Variants in OXR1 observed in about 807,000 individuals in gnomAD.
OXR1 encodes the protein oxidation resistance protein 1.
In OXR1, 41 loss-of-function variants were observed where a neutral mutation model predicts 104.6. The observed-to-expected ratio is 0.39, with a 90% confidence interval of 0.31 to 0.51. The LOEUF (loss-of-function observed/expected upper bound fraction) is 0.51, where lower values mean the gene tolerates loss of function less well. Among genes scored for constraint, OXR1 ranks in the 20% least tolerant of loss-of-function variants. The probability of loss-of-function intolerance (pLI) is 0.77; values close to 1 mark genes in which losing one functional copy is unlikely to be tolerated. For missense variants in OXR1, 955 were observed against 1,031.9 expected (o/e 0.93, Z 1.02); for synonymous variants, 348 against 348.4 (o/e 1.00, Z 0.01).
chr8:106,692,652 T>C, intron 6 of OXR1, 76 bp from the exon 7 acceptor site: 1 of 840,000 alleles, frequency 1.2e-6, no homozygotes, highest in Admixed American at 3.2e-5. Flanking sequence ...AGCTATTCAT[T>C]TGACTTTTTA....
chr8:106,654,886 TG>T (rs1185516985), intron 3 of OXR1, among the ~76,000 whole-genome samples: 2 of 152,176 alleles, frequency 1.3e-5, no homozygotes, highest in Non-Finnish European at 2.9e-5. Flanking sequence ...TCACAATAGC[TG>T]CAAGGTATGA....
At chr8:106,270,686 G>C (rs1172061281) in intron 1 of OXR1, among the ~76,000 whole-genome samples, 2 of 146,260 alleles carry the variant, frequency 1.4e-5, no homozygotes, top group Admixed American at 1.4e-4. Flanking sequence ...GGCTGGGTTT[G>C]GGGCGCGGGA....
At chr8:106,642,716 T>C (rs1823760195) in intron 3 of OXR1, among the ~76,000 whole-genome samples, 4 of 152,360 alleles carry the variant, frequency 2.6e-5, no homozygotes, top group Admixed American at 2.0e-4. Flanking sequence ...AGCCATTCTG[T>C]AGCTGGATAA....
At chr8:106,429,159 T>C (rs1819258131) in intron 2 of OXR1, among the ~76,000 whole-genome samples, 1 of 152,112 alleles carries the variant, frequency 6.6e-6, no homozygotes, top group Non-Finnish European at 1.5e-5. Flanking sequence ...GATCTTTCTA[T>C]GACCACATCT....
chr8:106,731,041 T>C (rs1039349055), intron 11 of OXR1, among the ~76,000 whole-genome samples: 1 of 152,212 alleles, frequency 6.6e-6, no homozygotes, highest in Non-Finnish European at 1.5e-5. Context: ...TGTTGTCAGC[T>C]CTTTGGATTT....
chr8:106,570,390 T>C (rs1478164509), intron 3 of OXR1, among the ~76,000 whole-genome samples: 2 of 152,324 alleles, frequency 1.3e-5, no homozygotes, highest in South Asian at 4.1e-4. Flanking sequence ...GCTTTAGATA[T>C]GATTTCACTT....
intron 3 of OXR1, among the ~76,000 whole-genome samples, chr8:106,675,186 A>C (rs1171940237): frequency 6.6e-6 from 1 of 152,238 alleles, no homozygotes; most frequent in Non-Finnish European, 1.5e-5. Context: ...AGGGAGACCT[A>C]CTGGGAACCA....
intron 11 of OXR1, among the ~76,000 whole-genome samples, chr8:106,715,391 G>A (rs1832132666): frequency 6.8e-6 from 1 of 147,836 alleles, no homozygotes; most frequent in Admixed American, 6.8e-5. Context: ...GATTACATAT[G>A]TAAAATATAT....
chr8:106,511,444 G>C (rs1317722067), intron 2 of OXR1, among the ~76,000 whole-genome samples: 1 of 152,070 alleles, frequency 6.6e-6, no homozygotes, highest in East Asian at 1.9e-4. Context: ...AACCACAGAT[G>C]GTCTTCTTGC....
At chr8:106,306,011 C>T (rs1033697482) in intron 1 of OXR1, among the ~76,000 whole-genome samples, 5 of 151,788 alleles carry the variant, frequency 3.3e-5, no homozygotes, top group African/African-American at 1.2e-4. Context: ...TTTTAGGTTA[C>T]CCTTCTTGTG....
intron 2 of OXR1, among the ~76,000 whole-genome samples, chr8:106,437,655 A>T (rs1048036425): frequency 2.6e-5 from 4 of 152,150 alleles, no homozygotes; most frequent in African/African-American, 9.6e-5. Context: ...GCTCCCTGTG[A>T]ATAAGGGATG....
chr8:106,319,240 T>C (rs541727557), intron 1 of OXR1, among the ~76,000 whole-genome samples: 2 of 152,322 alleles, frequency 1.3e-5, no homozygotes, highest in East Asian at 1.9e-4. Context: ...GCAGATAGCA[T>C]TGAAGTGGAG....
chr8:106,429,559 C>T (rs146824912), intron 2 of OXR1, among the ~76,000 whole-genome samples: 2,052 of 151,602 alleles, frequency 0.014, 42 homozygotes, highest in African/African-American at 0.045. Flanking sequence ...ACTTGAGGAG[C>T]CTGAGGCAGG....
At chr8:106,392,447 A>AT (rs1037654752) in intron 2 of OXR1, among the ~76,000 whole-genome samples, 2 of 151,956 alleles carry the variant, frequency 1.3e-5, no homozygotes, top group Non-Finnish European at 2.9e-5. Flanking sequence ...AGACAAGAGA[A>AT]TTTTTTTTCC....
At chr8:106,301,616 A>T in intron 1 of OXR1, among the ~76,000 whole-genome samples, 1 of 152,232 alleles carries the variant, frequency 6.6e-6, no homozygotes, top group Admixed American at 6.5e-5. Flanking sequence ...GATTGTAAAT[A>T]GTACCCAGAC....
intron 3 of OXR1, among the ~76,000 whole-genome samples, chr8:106,599,673 T>C (rs1259022268): frequency 6.6e-6 from 1 of 152,216 alleles, no homozygotes; most frequent in East Asian, 1.9e-4. Flanking sequence ...ATCCATAAAA[T>C]GATTATCCTT....
At chr8:106,670,861 C>T (rs914645575) in intron 3 of OXR1, among the ~76,000 whole-genome samples, 11 of 151,454 alleles carry the variant, frequency 7.3e-5, no homozygotes, top group African/African-American at 2.4e-4. Flanking sequence ...AATGGCTGGC[C>T]AACATGGGGA....
chr8:106,720,399 TTG>T (rs1233003587), intron 11 of OXR1, among the ~76,000 whole-genome samples: 1 of 152,182 alleles, frequency 6.6e-6, no homozygotes, highest in Non-Finnish European at 1.5e-5. Context: ...ACTTCAGGTG[TTG>T]TGTTAAACAT....
intron 12 of OXR1, 148 bp from the exon 13 acceptor site, chr8:106,739,310 T>C (rs1834706863): frequency 7.7e-6 from 5 of 647,140 alleles, no homozygotes; most frequent in South Asian, 5.9e-5. Context: ...ATATTAGATA[T>C]GGGCCATCTT....
Sources: allele counts gnomAD v4.1 joint callset (sites outside exome capture counted in the v4.1 genomes callset), GRCh38; gene constraint gnomAD v4.1.1; transcripts MANE v1.5; gene names NCBI Gene and HGNC (gene_info 2026-07-23, HGNC 2026-07-21).